The following CAST variants were observed in gnomAD, a reference collection of about 807,000 sequenced individuals.
CAST encodes the protein MIR583 host.
CAST carries 76 observed loss-of-function variants against 119.6 expected under a neutral mutation model. The ratio of observed to expected loss-of-function variants is 0.64; its 90% confidence interval spans 0.53 to 0.77. The LOEUF is 0.77. Among genes scored for constraint, CAST ranks in the 30% least tolerant of loss-of-function variants. CAST has a pLI of 0.00. For missense variants in CAST, 953 were observed against 946.5 expected (o/e 1.01, Z -0.09); for synonymous variants, 319 against 331.6 (o/e 0.96, Z 0.41).
chr5:96,592,613 TC>T (rs1236704561), intron 1 of CAST, among the ~76,000 whole-genome samples: 3 of 152,168 alleles, frequency 2.0e-5, no homozygotes, highest in Admixed American at 2.0e-4. Context: ...TAGTTTTTTT[TC>T]CAAACCTATT....
At chr5:96,043,650 C>T in the CAST span, among the ~76,000 whole-genome samples, 1 of 152,264 alleles carries the variant, frequency 6.6e-6, no homozygotes, top group East Asian at 1.9e-4. Context: ...AAAAGAGGAT[C>T]TCTTTCTTGT....
the CAST span, among the ~76,000 whole-genome samples, chr5:96,036,157 A>G: frequency 6.9e-5 from 5 of 72,358 alleles, no homozygotes; most frequent in African/African-American, 1.7e-4. Context: ...AAGACTATCA[A>G]TGCATTTTTT....
At chr5:96,378,892 G>C in the CAST span, among the ~76,000 whole-genome samples, 10 of 152,028 alleles carry the variant, frequency 6.6e-5, no homozygotes, top group Non-Finnish European at 1.5e-4. Context: ...GGAGATTACA[G>C]TGTATGTATA....
chr5:96,703,696 A>G (rs913694303), intron 3 of CAST, among the ~76,000 whole-genome samples: 1 of 152,120 alleles, frequency 6.6e-6, no homozygotes, highest in East Asian at 1.9e-4. Flanking sequence ...GGGCCTCTCT[A>G]GTTTTCTAGG....
upstream of CAST, among the ~76,000 whole-genome samples, chr5:96,661,730 G>T (rs777842891): frequency 6.6e-6 from 1 of 152,232 alleles, no homozygotes; most frequent in African/African-American, 2.4e-5. Flanking sequence ...GACTATAAGG[G>T]TTTAAATTTG....
the CAST span, among the ~76,000 whole-genome samples, chr5:96,342,230 G>A: frequency 6.6e-6 from 1 of 152,176 alleles, no homozygotes; most frequent in Non-Finnish European, 1.5e-5. Context: ...GTTTAAATAT[G>A]ACTTCATAGA....
chr5:96,665,623 A>G (rs761628290), intron 1 of CAST, among the ~76,000 whole-genome samples: 12 of 152,130 alleles, frequency 7.9e-5, no homozygotes, highest in African/African-American at 2.9e-4. Context: ...CAAAATACAT[A>G]CAAACATACA....
chr5:96,428,753 C>G, the CAST span, among the ~76,000 whole-genome samples: 2 of 151,918 alleles, frequency 1.3e-5, no homozygotes, highest in Non-Finnish European at 2.9e-5. Context: ...TTCAGTTATA[C>G]TGAAATGTTA....
chr5:96,150,660 T>C, the CAST span, among the ~76,000 whole-genome samples: 2 of 152,130 alleles, frequency 1.3e-5, no homozygotes, highest in Non-Finnish European at 2.9e-5. Flanking sequence ...GACTGGGTCA[T>C]CTTGGCAGCA....
At chr5:96,396,919 G>C in the CAST span, among the ~76,000 whole-genome samples, 498 of 152,330 alleles carry the variant, frequency 3.3e-3, 1 homozygote, top group Non-Finnish European at 6.0e-3. Flanking sequence ...CATCTAAATA[G>C]CTATTGCAGA....
intron 1 of CAST, among the ~76,000 whole-genome samples, chr5:96,599,966 C>CA (rs74978713): frequency 0.036 from 1,695 of 47,116 alleles, 27 homozygotes; most frequent in South Asian, 0.054. Context: ...CTTCATTAGG[C>CA]AAAAAAAAAA....
chr5:96,757,674 T>TTTTA lies in CAST; in HGVS notation c.1833+24_1833+27dup. ...TCTCTTGTAAGTCCAAAACTCTTGG[T>TTTTA]TTTATTTCTTTAGTTTTTTTTTTTT... On this transcript the variant is annotated intron_variant, in intron 24 of 31. Coordinates refer to ENST00000675179, the MANE Select transcript of CAST (RefSeq NM_001750.7). The TTTTA allele has an allele frequency of 6.5e-7, 1 of 1,542,286 alleles. No homozygotes were observed. Among genetic ancestry groups the TTTTA allele is most frequent in the Non-Finnish European group, 8.9e-7 (1 of 1,129,826 alleles).
chr5:96,039,258 A>G, the CAST span, among the ~76,000 whole-genome samples: 1 of 152,064 alleles, frequency 6.6e-6, no homozygotes, highest in Non-Finnish European at 1.5e-5. Flanking sequence ...AATTCTTTGT[A>G]GATTCTGGGT....
At chr5:96,036,593 C>T in the CAST span, among the ~76,000 whole-genome samples, 186 of 152,208 alleles carry the variant, frequency 1.2e-3, 1 homozygote, top group South Asian at 2.5e-3. Flanking sequence ...TATTTAAAAA[C>T]GTATTATTTT....
At chr5:96,681,515 C>T (rs1159621414) in intron 2 of CAST, among the ~76,000 whole-genome samples, 1 of 151,808 alleles carries the variant, frequency 6.6e-6, no homozygotes, top group Non-Finnish European at 1.5e-5. Flanking sequence ...GGGCGGATCA[C>T]GAGGTCAGGA....
chr5:96,054,650 C>T, the CAST span, among the ~76,000 whole-genome samples: 5 of 152,092 alleles, frequency 3.3e-5, no homozygotes, highest in African/African-American at 9.7e-5. Context: ...GTTCCTGATT[C>T]CCCAGTTAAA....
the CAST span, among the ~76,000 whole-genome samples, chr5:96,088,767 C>T: frequency 6.6e-6 from 1 of 152,152 alleles, no homozygotes; most frequent in Admixed American, 6.5e-5. Flanking sequence ...TATTGTCCCT[C>T]CCCATGATCC....
At chr5:96,242,892 T>C in the CAST span, among the ~76,000 whole-genome samples, 1 of 152,206 alleles carries the variant, frequency 6.6e-6, no homozygotes, top group African/African-American at 2.4e-5. Flanking sequence ...CTAACTGCTT[T>C]ATGTGACTTT....
At position 96,742,668 on chromosome 5, in the gene CAST, A is replaced by G. The variant is rs781650230; in HGVS notation, c.1112A>G (p.Asp371Gly). ...KRKVEKDTMS[D>G]QALEALSASL... ...TACTTTTAACAGGATACAATGAGTG[A>G]TCAAGCACTCGAGGCTCTGTCGGCT... Residue 371 changes from aspartate (D) to glycine (G), a missense_variant, in exon 16 of 32, where the codon GAT becomes GGT. Physicochemically the swap from Asp to Gly is moderately conservative, Grantham distance 94. Coordinates refer to ENST00000675179, the MANE Select transcript of CAST (RefSeq NM_001750.7). 2.5e-6 allele frequency: 4 copies of G among 1,612,420 alleles called. No homozygotes were observed. Among genetic ancestry groups the G allele is most frequent in the South Asian group, 1.1e-5 (1 of 91,030 alleles).
Sources: gnomAD v4.1 joint callset for allele counts (sites outside exome capture counted in the v4.1 genomes callset) on GRCh38, gnomAD v4.1.1 for gene constraint, MANE v1.5 for transcripts, NCBI Gene and HGNC (gene_info 2026-07-23, HGNC 2026-07-21) for gene names.